The following RAB6A variants were observed in gnomAD, a reference collection of about 807,000 sequenced individuals.
The protein encoded by RAB6A is ras-related protein Rab-6A.
In RAB6A, 8 loss-of-function variants were observed where a neutral mutation model predicts 32.3. The observed-to-expected ratio is 0.25, with a 90% CI of 0.15 to 0.45. RAB6A has a LOEUF of 0.45. RAB6A is among the 20% of genes least tolerant of loss of function. The pLI is 1.00. For synonymous variants in RAB6A, 73 were observed against 82.1 expected, an observed-to-expected ratio of 0.89 and a Z score of 0.60; for missense variants, 104 against 249.4, an observed-to-expected ratio of 0.42 and a Z score of 3.93.
At chr11:73,689,037 C>G (rs774446581) in intron 6 of RAB6A, among the ~76,000 whole-genome samples, 1 of 151,868 alleles carries the variant, frequency 6.6e-6, no homozygotes, top group Non-Finnish European at 1.5e-5. Context: ...GTGGGAAGAG[C>G]ATTTGAGCCC....
chr11:73,676,653 T>A lies in RAB6A; in HGVS notation c.*1245A>T, dbSNP rs1945273387. On this transcript the variant is annotated 3_prime_UTR_variant, in exon 8 of 8. Coordinates refer to ENST00000336083, the MANE Select transcript of RAB6A (RefSeq NM_198896.2). ...CTAAAAAATAAGGCATAAATCTGCATAATATTGAGTTTTATTTCCATTCTC... is the reference window on the plus strand; with the variant it reads ...CTAAAAAATAAGGCATAAATCTGCAAAATATTGAGTTTTATTTCCATTCTC... The A allele has an allele frequency of 6.0e-6, 1 of 167,100 alleles. No homozygotes were observed. The allele number at this position is 167,100 out of a possible 1,614,324, so 10.4% of individuals were successfully genotyped here.
At chr11:73,683,504 T>C (rs1402381666) in intron 6 of RAB6A, among the ~76,000 whole-genome samples, 1 of 151,816 alleles carries the variant, frequency 6.6e-6, no homozygotes, top group Non-Finnish European at 1.5e-5. Context: ...GTGATCTGCC[T>C]ACCTCAGCCT....
At chr11:73,720,158 T>G (rs2134950111) in intron 3 of RAB6A, among the ~76,000 whole-genome samples, 1 of 148,080 alleles carries the variant, frequency 6.8e-6, no homozygotes, top group South Asian at 2.1e-4. Context: ...AAGACAAAAA[T>G]CCAACAAATA....
chr11:73,720,530 CAAAAAAAATCTTGAAGTTCACAAATTGA>C (rs1565363929), intron 3 of RAB6A, among the ~76,000 whole-genome samples: 1 of 151,760 alleles, frequency 6.6e-6, no homozygotes, highest in African/African-American at 2.4e-5. Flanking sequence ...CCTATCCTGA[CAAAAAAAATCTTGAAGTTCACAAATTGA>C]AATCTTTTTG....
At chr11:73,749,167 A>C (rs1946638347) in intron 1 of RAB6A, among the ~76,000 whole-genome samples, 1 of 152,182 alleles carries the variant, frequency 6.6e-6, no homozygotes, top group Non-Finnish European at 1.5e-5. Flanking sequence ...TCTACCATGG[A>C]CTACTACTCA....
chr11:73,710,959 T>C (rs1390492439), intron 5 of RAB6A, among the ~76,000 whole-genome samples: 2 of 152,118 alleles, frequency 1.3e-5, no homozygotes, highest in Non-Finnish European at 2.9e-5. Flanking sequence ...TGATTTATAG[T>C]TTAACGGCTA....
At chr11:73,721,734 T>TA (rs1190314197) in intron 2 of RAB6A, among the ~76,000 whole-genome samples, 1 of 152,170 alleles carries the variant, frequency 6.6e-6, no homozygotes, top group African/African-American at 2.4e-5. Flanking sequence ...ATACTATGTA[T>TA]ATATGTGCGT....
At chr11:73,694,146 A>G (rs753060840) in intron 6 of RAB6A, among the ~76,000 whole-genome samples, 1 of 152,210 alleles carries the variant, frequency 6.6e-6, no homozygotes, top group Non-Finnish European at 1.5e-5. Context: ...TGTTTTATTC[A>G]AATATCTCTG....
At chr11:73,700,618 G>T (rs895811751) in intron 6 of RAB6A, among the ~76,000 whole-genome samples, 36 of 112,832 alleles carry the variant, frequency 3.2e-4, no homozygotes, top group Non-Finnish European at 3.1e-4. Flanking sequence ...GTGGGGGGGG[G>T]GGGGGGAGGA....
At chr11:73,712,669 C>G (rs555208334) in intron 5 of RAB6A, among the ~76,000 whole-genome samples, 1 of 150,744 alleles carries the variant, frequency 6.6e-6, no homozygotes, top group East Asian at 2.0e-4. Context: ...CTTTTCTACT[C>G]TGTTCTACTT....
intron 1 of RAB6A, among the ~76,000 whole-genome samples, chr11:73,742,658 A>G (rs1316177504): frequency 6.6e-6 from 1 of 152,144 alleles, no homozygotes; most frequent in African/African-American, 2.4e-5. Context: ...CTAAAAATAC[A>G]AAATTAGCTG....
At chr11:73,738,957 T>A (rs146201323) in intron 1 of RAB6A, among the ~76,000 whole-genome samples, 185 of 150,282 alleles carry the variant, frequency 1.2e-3, no homozygotes, top group Middle Eastern at 3.4e-3. Context: ...AAAACAAAAC[T>A]AAACTAAACT....
At chr11:73,754,643 G>A (rs1946718279) in intron 1 of RAB6A, among the ~76,000 whole-genome samples, 1 of 152,168 alleles carries the variant, frequency 6.6e-6, no homozygotes, top group Non-Finnish European at 1.5e-5. Context: ...TGAAGGCTGG[G>A]CACAGTGGCT....
intron 1 of RAB6A, among the ~76,000 whole-genome samples, chr11:73,746,709 G>C (rs1235998059): frequency 6.6e-6 from 1 of 151,016 alleles, no homozygotes; most frequent in Non-Finnish European, 1.5e-5. Context: ...AGTGAGCAGT[G>C]ATCACACTAC....
chr11:73,726,580 T>TCAAA (rs1946225891), intron 2 of RAB6A, among the ~76,000 whole-genome samples: 1 of 4,624 alleles, frequency 2.2e-4, no homozygotes, highest in Non-Finnish European at 5.9e-4. Context: ...AGACTCTGTC[T>TCAAA]CAAAAAAAAA....
intron 2 of RAB6A, among the ~76,000 whole-genome samples, chr11:73,728,493 T>A (rs185540213): frequency 2.3e-4 from 35 of 151,744 alleles, no homozygotes; most frequent in Non-Finnish European, 4.0e-4. Flanking sequence ...GACACATAGG[T>A]CAGGTGTGGT....
chr11:73,707,709 G>T (rs556331485), intron 5 of RAB6A, among the ~76,000 whole-genome samples, 196 bp from the exon 6 acceptor site: 1 of 152,224 alleles, frequency 6.6e-6, no homozygotes, highest in South Asian at 2.1e-4. Flanking sequence ...TTTTTTTAAA[G>T]ACTTTTTTTT....
At position 73,689,085 on chromosome 11, in the gene RAB6A, G is replaced by C. The variant is rs189118398; in HGVS notation, c.496-9365C>G. On this transcript the variant is annotated intron_variant, in intron 6 of 7. Coordinates refer to ENST00000336083, the MANE Select transcript of RAB6A (RefSeq NM_198896.2). ...TGTAGTGAGCTGTGATTATGCCACTGCACTCCAGCCTGGAAGACAGAGGGA... is the reference window on the plus strand; with the variant it reads ...TGTAGTGAGCTGTGATTATGCCACTCCACTCCAGCCTGGAAGACAGAGGGA... 1.3e-3 allele frequency among the ~76,000 whole-genome samples: 196 copies of C among 151,802 alleles called. 1 individual carries two copies. Among genetic ancestry groups the C allele is most frequent in the Non-Finnish European group, 1.9e-3 (128 of 67,956 alleles).
intron 1 of RAB6A, among the ~76,000 whole-genome samples, chr11:73,738,771 C>G (rs1053245363): frequency 5.3e-5 from 8 of 151,680 alleles, no homozygotes; most frequent in African/African-American, 1.9e-4. Context: ...ATGGCAAAAC[C>G]CCGTCTCTAC....
Sources: allele counts gnomAD v4.1 joint callset (sites outside exome capture counted in the v4.1 genomes callset), GRCh38; gene constraint gnomAD v4.1.1; transcripts MANE v1.5; gene names NCBI Gene and HGNC (gene_info 2026-07-23, HGNC 2026-07-21).